The following GRIP1 variants were observed in gnomAD, a reference collection of about 807,000 sequenced individuals.
GRIP1 encodes the protein glutamate receptor interacting protein 1, also known as glutamate receptor-interacting protein 1.
GRIP1 carries 45 observed loss-of-function variants against 129.9 expected under a neutral mutation model. That is an observed-to-expected ratio of 0.35 (90% CI 0.27 to 0.44). The LOEUF (loss-of-function observed/expected upper bound fraction) is 0.44, where lower values mean the gene tolerates loss of function less well. Among genes scored for constraint, GRIP1 ranks in the 20% least tolerant of loss-of-function variants. GRIP1 has a pLI of 1.00. For missense variants in GRIP1, 1,196 were observed against 1,396.8 expected (o/e 0.86, Z 2.29); for synonymous variants, 530 against 520.8 (o/e 1.02, Z -0.24).
At chr12:66,553,266 T>G (rs1490200617) in intron 2 of GRIP1, among the ~76,000 whole-genome samples, 1 of 152,162 alleles carries the variant, frequency 6.6e-6, no homozygotes, top group Non-Finnish European at 1.5e-5. Flanking sequence ...TACCCAAGTA[T>G]AACTATCTTC....
chr12:66,635,694 A>T (rs1341626083), intron 1 of GRIP1, among the ~76,000 whole-genome samples: 1 of 152,142 alleles, frequency 6.6e-6, no homozygotes, highest in African/African-American at 2.4e-5. Flanking sequence ...TAAAAGAAAC[A>T]AAGGATTAGT....
At chr12:66,482,153 A>C (rs1394766024) in intron 7 of GRIP1, among the ~76,000 whole-genome samples, 1 of 152,146 alleles carries the variant, frequency 6.6e-6, no homozygotes, top group Non-Finnish European at 1.5e-5. Flanking sequence ...TTTCCAGAAA[A>C]ATTACTCAAG....
chr12:66,484,802 T>C (rs868514371), intron 7 of GRIP1, among the ~76,000 whole-genome samples: 18 of 152,140 alleles, frequency 1.2e-4, no homozygotes, highest in African/African-American at 4.3e-4. Flanking sequence ...TTATTGTCTA[T>C]TTCAAAAGAG....
chr12:66,351,564 T>TTTTGTTTG (rs2054225527), intron 24 of GRIP1, among the ~76,000 whole-genome samples: 1 of 151,446 alleles, frequency 6.6e-6, no homozygotes, highest in Admixed American at 6.6e-5. Flanking sequence ...TGGTTTTTTT[T>TTTTGTTTG]TTTTTTTTTT....
intron 2 of GRIP1, among the ~76,000 whole-genome samples, chr12:66,581,885 A>T (rs1424111445): frequency 6.6e-6 from 1 of 152,128 alleles, no homozygotes; most frequent in African/African-American, 2.4e-5. Context: ...AAAAGAGGGA[A>T]TCCTCCCTAA....
At chr12:66,833,224 G>A (rs1247829222) in intron 1 of GRIP1, among the ~76,000 whole-genome samples, 4 of 152,178 alleles carry the variant, frequency 2.6e-5, no homozygotes, top group African/African-American at 7.2e-5. Context: ...CCCCGGCTAC[G>A]GTTCTAAAGT....
At chr12:66,603,348 T>C (rs1489402973) in intron 1 of GRIP1, among the ~76,000 whole-genome samples, 2 of 152,226 alleles carry the variant, frequency 1.3e-5, no homozygotes, top group African/African-American at 4.8e-5. Flanking sequence ...CACATTGTTT[T>C]AGGCCTGTGT....
chr12:66,543,852 T>C (rs2061863759), intron 2 of GRIP1, among the ~76,000 whole-genome samples: 1 of 152,156 alleles, frequency 6.6e-6, no homozygotes, highest in Non-Finnish European at 1.5e-5. Flanking sequence ...GTTGGAAGCA[T>C]AGTTTTTTTT....
At chr12:67,015,158 A>T (rs1418403260) in intron 1 of GRIP1, among the ~76,000 whole-genome samples, 1 of 152,164 alleles carries the variant, frequency 6.6e-6, no homozygotes, top group African/African-American at 2.4e-5. Flanking sequence ...ACACATCAGA[A>T]ATTCTAGGTA....
chr12:66,547,609 G>A (rs59133402), intron 2 of GRIP1, among the ~76,000 whole-genome samples: 5,305 of 152,278 alleles, frequency 0.035, 246 homozygotes, highest in East Asian at 0.1. Context: ...GGTCAAACTA[G>A]TGCTACAAGT....
chr12:66,806,799 A>ATT (rs60559989), upstream of GRIP1, among the ~76,000 whole-genome samples: 574 of 145,882 alleles, frequency 3.9e-3, 3 homozygotes, highest in African/African-American at 0.01. Flanking sequence ...ATAAGCACCT[A>ATT]TTTTTTTTTT....
At chr12:67,010,246 T>C (rs759439081) in intron 1 of GRIP1, among the ~76,000 whole-genome samples, 11 of 152,154 alleles carry the variant, frequency 7.2e-5, no homozygotes, top group Non-Finnish European at 1.3e-4. Context: ...CATAGTAGAT[T>C]AAATTGAATC....
At chr12:66,904,285 T>C (rs1351980952) in intron 1 of GRIP1, among the ~76,000 whole-genome samples, 2 of 152,148 alleles carry the variant, frequency 1.3e-5, no homozygotes, top group Admixed American at 1.3e-4. Context: ...ATTGAACAAA[T>C]ATTTCAAACC....
At chr12:67,054,931 C>T (rs1280960807) in intron 1 of GRIP1, among the ~76,000 whole-genome samples, 1 of 152,102 alleles carries the variant, frequency 6.6e-6, no homozygotes, top group Non-Finnish European at 1.5e-5. Flanking sequence ...CAGTAGGGGA[C>T]TAATTATCTC....
chr12:66,733,732 C>A (rs563776612), intron 1 of GRIP1, among the ~76,000 whole-genome samples: 39 of 152,272 alleles, frequency 2.6e-4, no homozygotes, highest in Non-Finnish European at 5.0e-4. Context: ...CAATATCTAA[C>A]CCATCCATCA....
At chr12:66,397,098 G>A (rs557376668) in intron 16 of GRIP1, among the ~76,000 whole-genome samples, 5 of 100,004 alleles carry the variant, frequency 5.0e-5, no homozygotes, top group African/African-American at 1.2e-4. Flanking sequence ...GCGATGGAGC[G>A]AGACTCTGTC....
intron 1 of GRIP1, among the ~76,000 whole-genome samples, chr12:66,840,791 T>C (rs577136510): frequency 6.6e-6 from 1 of 152,302 alleles, no homozygotes; most frequent in African/African-American, 2.4e-5. Context: ...AGGAGTTATG[T>C]CAGCCTCTGG....
At chr12:66,360,341 C>A (rs1434634429) in intron 23 of GRIP1, among the ~76,000 whole-genome samples, 1 of 152,174 alleles carries the variant, frequency 6.6e-6, no homozygotes, top group Non-Finnish European at 1.5e-5. Flanking sequence ...AAGTCCTGCT[C>A]CATGCTCCTA....
At chr12:66,683,919 T>C (rs1365028661), upstream of GRIP1, among the ~76,000 whole-genome samples, 2 of 152,234 alleles carry the variant, frequency 1.3e-5, no homozygotes, top group Non-Finnish European at 2.9e-5. Context: ...GGAGGTATTA[T>C]GTAGGAGAGA....
Sources: allele counts gnomAD v4.1 joint callset (sites outside exome capture counted in the v4.1 genomes callset), GRCh38; gene constraint gnomAD v4.1.1; transcripts MANE v1.5; gene names NCBI Gene and HGNC (gene_info 2026-07-23, HGNC 2026-07-21).